TMEM40: variants seen among roughly 807,000 people sequenced by gnomAD.
TMEM40 encodes the protein transmembrane protein 40.
TMEM40 carries 34 observed loss-of-function variants against 40.8 expected under a neutral mutation model. The observed-to-expected ratio is 0.83, with a 90% confidence interval of 0.63 to 1.11. The LOEUF is 1.11. Ranked by LOEUF, TMEM40 falls within the 50% of genes least tolerant of loss-of-function variation. The pLI is 0.00. For missense variants in TMEM40, 296 were observed against 280.2 expected (o/e 1.06, Z -0.40); for synonymous variants, 106 against 107.0 (o/e 0.99, Z 0.06).
Position 12,738,822 on chromosome 3 carries a change from C to T in TMEM40, c.356-234G>A, listed in dbSNP as rs1041610598. 4.2e-5 allele frequency: 21 copies of T among 497,454 alleles called. No homozygotes were observed. The South Asian group carries it at 4.7e-4, about 11-fold the overall frequency. The allele number at this position is 497,454 out of a possible 1,614,324, so 30.8% of individuals were successfully genotyped here. On this transcript the variant is annotated intron_variant, in intron 5 of 11. Coordinates refer to ENST00000314124, the MANE Select transcript of TMEM40 (RefSeq NM_018306.4). ...CCCACTCTTACAGGTCTGTCAATTT[C>T]CCCAGAGAAGCCAGGTTTTCAGGTA...
At chr3:12,737,570 G>T in intron 8 of TMEM40, 137 bp downstream of exon 8, 1 of 780,472 alleles carries the variant, frequency 1.3e-6, no homozygotes, top group Non-Finnish European at 2.2e-6. Flanking sequence ...GTGATTCTGA[G>T]CTGAGTAATG....
upstream of TMEM40, among the ~76,000 whole-genome samples, chr3:12,763,461 C>T (rs927795282): frequency 6.6e-6 from 1 of 152,182 alleles, no homozygotes; most frequent in Non-Finnish European, 1.5e-5. Context: ...ACCTCATTGC[C>T]CTGTGTGTAG....
In TMEM40 at chr3:12,751,821, C is replaced by T. The variant is rs180711005; in HGVS notation, c.-8-1981G>A. ...GAGTGGAGGAAGAGTTGTAGAGCCA[C>T]GTGGGGGAAAGAGAGCTGCTGGCTG... On this transcript the variant is annotated intron_variant, in intron 1 of 11. Transcript: ENST00000314124. 5.7e-4 allele frequency among the ~76,000 whole-genome samples: 87 copies of T among 152,026 alleles called. 2 individuals are homozygous for T. In the East Asian group the frequency reaches 8.5e-3, roughly 15 times the overall value.
chr3:12,748,851 C>G, intron 2 of TMEM40, 59 bp from the exon 3 acceptor site: 1 of 1,491,326 alleles, frequency 6.7e-7, no homozygotes, highest in Admixed American at 1.7e-5. Context: ...CCCCAGGGAC[C>G]ACCCAGTCCT....
At position 12,743,840 on chromosome 3, in the gene TMEM40, AC is replaced by A. The variant is rs1193913937; in HGVS notation, c.301+59del. ...GTGAAGAACATCACACTTCAGTCCC[AC>A]GGAGAAACTCAACGGTGAGCGAGTG... On this transcript the variant is annotated intron_variant, in intron 4 of 11. Coordinates refer to ENST00000314124, the MANE Select transcript of TMEM40 (RefSeq NM_018306.4). 2.0e-6 allele frequency: 3 copies of A among 1,523,288 alleles called. No individual in the cohort carries two copies. The Admixed American group carries it at 5.1e-5, about 26-fold the overall frequency. 94.4% of individuals were successfully genotyped at this position (1,523,288 alleles called of 1,614,324 possible).
intron 3 of TMEM40, among the ~76,000 whole-genome samples, chr3:12,744,739 GAAGACTCCTTTATCCC>G (rs1219388267): frequency 1.4e-4 from 22 of 152,342 alleles, no homozygotes; most frequent in Admixed American, 1.0e-3. Context: ...TCCAGGTCCA[GAAGACTCCTTTATCCC>G]AAGACAGGAC....
chr3:12,761,533 G>A (rs1250043937), upstream of TMEM40, among the ~76,000 whole-genome samples: 2 of 151,942 alleles, frequency 1.3e-5, no homozygotes, highest in African/African-American at 4.8e-5. Context: ...TTGAGCCTGG[G>A]AGGTGGAGGT....
intron 7 of TMEM40, 164 bp downstream of exon 7, chr3:12,737,972 C>T (rs2061350183): frequency 9.6e-7 from 1 of 1,041,084 alleles, no homozygotes; most frequent in Admixed American, 2.1e-5. Context: ...GCCTTCCTTT[C>T]CATTTCCCCT....
chr3:12,737,574 A>G (rs1199806345), intron 8 of TMEM40, 133 bp downstream of exon 8: 1 of 797,944 alleles, frequency 1.3e-6, no homozygotes. Context: ...TTCTGAGCTG[A>G]GTAATGTGTA....
rs1393426184 is a variant in TMEM40, at chr3:12,749,772, C to T, written c.61G>A (p.Glu21Lys). ...QDNSQVHRETEDVDYGETDFH... is the reference protein window; with the variant it reads ...QDNSQVHRETKDVDYGETDFH... ...AAGGCAAACGTACAGTCTACATCTT[C>T]TGTTTCTCTGTGGACTTGACTGTTG... Residue 21 changes from glutamate to lysine, a missense_variant, in exon 2 of 12, where the codon GAA (glutamate) becomes AAA (lysine). Coordinates refer to ENST00000314124, the MANE Select transcript of TMEM40 (RefSeq NM_018306.4). 1 of 1,613,984 alleles carries T rather than the reference C, an allele frequency of 6.2e-7. No homozygotes were observed. The highest frequency in any genetic ancestry group is 1.3e-5 in the African/African-American group (1 of 74,920).
At chr3:12,764,435 T>A (rs9831765) in intron 1 of TMEM40, among the ~76,000 whole-genome samples, 99,027 of 152,098 alleles carry the variant, frequency 0.65, 33,696 homozygotes, top group African/African-American at 0.84. Context: ...GAAACCTGGG[T>A]CTCTTTCTAT....
At chr3:12,742,703 T>C (rs1390663062) in intron 4 of TMEM40, among the ~76,000 whole-genome samples, 196 bp from the exon 5 acceptor site, 4 of 152,130 alleles carry the variant, frequency 2.6e-5, no homozygotes, top group African/African-American at 9.7e-5. Context: ...CTTCCAGAGG[T>C]GACCACACTC....
At chr3:12,738,530 C>G in intron 6 of TMEM40, 23 bp downstream of exon 6, 1 of 1,613,902 alleles carries the variant, frequency 6.2e-7, no homozygotes, top group Non-Finnish European at 8.5e-7. Flanking sequence ...CCAACGACCT[C>G]TCTCCTCTAA....
intron 1 of TMEM40, among the ~76,000 whole-genome samples, chr3:12,755,940 C>A (rs1390836104): frequency 1.3e-5 from 2 of 152,180 alleles, no homozygotes; most frequent in African/African-American, 4.8e-5. Context: ...TGCAAAGAAA[C>A]CGCGGATGGA....
At chr3:12,766,202 T>A (rs1046451645) in intron 1 of TMEM40, among the ~76,000 whole-genome samples, 1 of 152,032 alleles carries the variant, frequency 6.6e-6, no homozygotes, top group African/African-American at 2.4e-5. Context: ...ATGTTCAGAT[T>A]CTATGGTGTG....
intron 1 of TMEM40, among the ~76,000 whole-genome samples, chr3:12,751,843 G>T (rs939016610): frequency 2.0e-4 from 31 of 152,260 alleles, no homozygotes; most frequent in African/African-American, 6.0e-4. Context: ...AGAGCTGCTG[G>T]CTGATGTCAG....
chr3:12,757,244 C>T (rs1005600345), intron 1 of TMEM40, among the ~76,000 whole-genome samples: 2 of 151,904 alleles, frequency 1.3e-5, no homozygotes, highest in East Asian at 1.9e-4. Flanking sequence ...CTGAGGCGGG[C>T]GGATCACCTG....
rs756746842 is a variant in TMEM40, at chr3:12,736,581, G to C, written c.616C>G (p.Leu206Val). The C allele has an allele frequency of 7.7e-6, 12 of 1,554,372 alleles. No individual in the cohort carries two copies. In the Admixed American group the frequency reaches 1.4e-4, roughly 18 times the overall value. ...SLETVGIYFG[L>V]VYRIHSVLQG... is the part of the protein sequence containing the mutation. ...CCATGCTGGGGGAGGGGCTTACCTA[G>C]TCCGAAGTAGATGCCAACGGTTTCC... Residue 206 changes from leucine to valine, a missense_variant, in exon 10 of 12, where the codon CTA becomes GTA. Physicochemically the swap from Leu to Val is conservative, Grantham distance 32. Transcript: ENST00000314124.
In TMEM40 at chr3:12,745,991, C is replaced by T. The variant is rs576172855; in HGVS notation, c.212-2002G>A. Among the ~76,000 whole-genome samples the T allele has an allele frequency of 2.4e-3, 357 of 151,848 alleles. 1 individual carries two copies. The highest frequency in any genetic ancestry group is 7.7e-3 in the African/African-American group (317 of 41,410). On this transcript the variant is annotated intron_variant, in intron 3 of 11. Coordinates refer to ENST00000314124, the MANE Select transcript of TMEM40 (RefSeq NM_018306.4). The stretch of plus-strand genomic sequence containing the variant: ...CAGCTCACTGCTACCTCTGCCTCCC[C>T]GGCTTAAGTGATTCTCCTGCCTCAG...
Sources: allele counts gnomAD v4.1 joint callset (sites outside exome capture counted in the v4.1 genomes callset), GRCh38; gene constraint gnomAD v4.1.1; transcripts MANE v1.5; gene names NCBI Gene and HGNC (gene_info 2026-07-23, HGNC 2026-07-21).